Variants in SYNE1 observed in about 807,000 individuals in gnomAD.
The protein encoded by SYNE1 is nesprin-1.
A neutral mutation model predicts 1,111.0 loss-of-function variants in SYNE1; 616 were observed. That is an observed-to-expected ratio of 0.55 (90% CI 0.52 to 0.59). SYNE1 has a LOEUF of 0.59. Among genes scored for constraint, SYNE1 ranks in the 20% least tolerant of loss-of-function variants. The pLI, the probability that SYNE1 is intolerant of heterozygous loss-of-function variation, is 0.00. For synonymous variants in SYNE1, 3,855 were observed against 3,825.8 expected (o/e 1.01, Z -0.28); for missense variants, 10,006 against 10,417.0 (o/e 0.96, Z 1.72).
At chr6:152,472,659 G>A in intron 14 of SYNE1, 1 of 701,960 alleles carries the variant, frequency 1.4e-6, no homozygotes, top group Non-Finnish European at 2.6e-6. Flanking sequence ...CATGACACTT[G>A]CACAGCAATG....
At chr6:152,420,894 A>G (rs2098248437) in intron 39 of SYNE1, among the ~76,000 whole-genome samples, 1 of 151,972 alleles carries the variant, frequency 6.6e-6, no homozygotes, top group Non-Finnish European at 1.5e-5. Context: ...TTTTCTCTCT[A>G]CTTGATTTTT....
At position 152,573,450 on chromosome 6, in the gene SYNE1, C is replaced by A. The variant is rs150504881; in HGVS notation, c.68-33429G>T. Among the ~76,000 whole-genome samples the A allele has an allele frequency of 4.3e-3, 645 of 149,350 alleles. 5 individuals carry two copies. The highest frequency in any genetic ancestry group is 0.015 in the African/African-American group (603 of 39,874). On this transcript the variant is annotated intron_variant, in intron 3 of 145. Transcript: ENST00000367255. Reference sequence around the variant, plus strand: ...TGCGGTGTTTGGTTTTTTGTCCTTGCGGTAGTTTGCTGAGAATGATGGTTT... The same window carrying A: ...TGCGGTGTTTGGTTTTTTGTCCTTGAGGTAGTTTGCTGAGAATGATGGTTT...
intron 56 of SYNE1, among the ~76,000 whole-genome samples, chr6:152,379,143 A>G (rs1431659202): frequency 6.6e-6 from 1 of 152,208 alleles, no homozygotes; most frequent in Non-Finnish European, 1.5e-5. Flanking sequence ...GATGACATTA[A>G]AAGTGAAAAG....
intron 76 of SYNE1, chr6:152,335,584 A>C (rs2096368630): frequency 6.6e-6 from 1 of 152,220 alleles, no homozygotes; most frequent in Non-Finnish European, 1.5e-5. Context: ...ACAGCACTCC[A>C]GTAGACAATA....
intron 3 of SYNE1, among the ~76,000 whole-genome samples, chr6:152,561,216 T>C (rs748109735): frequency 1.3e-5 from 2 of 152,170 alleles, no homozygotes; most frequent in Non-Finnish European, 2.9e-5. Context: ...TTTAGTTAAG[T>C]TATAAGGTAC....
intron 130 of SYNE1, among the ~76,000 whole-genome samples, chr6:152,166,908 T>G (rs972274074): frequency 3.3e-5 from 5 of 152,214 alleles, no homozygotes; most frequent in African/African-American, 1.2e-4. Flanking sequence ...ATCATTCTTT[T>G]TTTTAGGAGA....
At chr6:152,574,846 A>T (rs1383498121) in intron 3 of SYNE1, among the ~76,000 whole-genome samples, 3 of 152,170 alleles carry the variant, frequency 2.0e-5, no homozygotes, top group Non-Finnish European at 4.4e-5. Flanking sequence ...CTTATAGAGC[A>T]GGACTCTTGA....
chr6:152,296,095 C>T lies in SYNE1; in HGVS notation c.17683-1968G>A, dbSNP rs144979238. Among the ~76,000 whole-genome samples the T allele has an allele frequency of 4.3e-3, 659 of 152,324 alleles. 4 individuals carry two copies. Among genetic ancestry groups the T allele is most frequent in the African/African-American group, 0.015 (629 of 41,564 alleles). ...CTCACCCTCGATCCACTTCTAAATT[C>T]CAGTTTGGACTTTGATCCTGATGAC... is the stretch of plus-strand genomic sequence containing the variant. On this transcript the variant is annotated intron_variant, in intron 93 of 145. Transcript: ENST00000367255.
At chr6:152,211,098 A>C (rs944836300) in intron 124 of SYNE1, among the ~76,000 whole-genome samples, 4 of 152,162 alleles carry the variant, frequency 2.6e-5, no homozygotes, top group Admixed American at 2.6e-4. Flanking sequence ...TAAGTAAGAG[A>C]GATGGGCTAG....
rs150265181 is a variant in SYNE1 at position 152,352,514 on chromosome 6, T to A, written c.11254-161A>T. 4.5e-3 allele frequency among the ~76,000 whole-genome samples: 683 copies of A among 152,134 alleles called. 3 individuals are homozygous for A. Among genetic ancestry groups the A allele is most frequent in the African/African-American group, 0.016 (661 of 41,518 alleles). On this transcript the variant is annotated intron_variant, in intron 69 of 145. Coordinates refer to ENST00000367255, the MANE Select transcript of SYNE1 (RefSeq NM_182961.4). ...GCCTCCTGGGTTCCAGCGATTCTCC[T>A]GCCTCAGCCTCCAAAGTAGCTGGGA...
intron 46 of SYNE1, among the ~76,000 whole-genome samples, chr6:152,401,804 G>A (rs913801923): frequency 3.9e-5 from 6 of 152,072 alleles, no homozygotes; most frequent in Non-Finnish European, 8.8e-5. Flanking sequence ...TATTGAGTGG[G>A]GCTAGTTATT....
rs117107242 is a variant in SYNE1 at position 152,600,140 on chromosome 6, A to G, written c.67+28125T>C. Among the ~76,000 whole-genome samples, 113 of 152,332 alleles carry G rather than the reference A, an allele frequency of 7.4e-4. No individual in the cohort carries two copies. The East Asian group carries it at 0.015, about 20-fold the overall frequency. On this transcript the variant is annotated intron_variant, in intron 3 of 145. Transcript: ENST00000367255. ...CAAGCCCTATGACTTCACATATAGT[A>G]TGTAACAAAGGCGAACAGTTTAACA... is the stretch of plus-strand genomic sequence containing the variant.
chr6:152,316,707 C>A (rs989849268), intron 87 of SYNE1, 142 bp downstream of exon 87: 1 of 857,476 alleles, frequency 1.2e-6, no homozygotes, highest in Non-Finnish European at 1.8e-6. Context: ...AACTACTGAA[C>A]AACTTAGGGG....
At chr6:152,438,017 AAAG>A (rs991044903) in intron 32 of SYNE1, among the ~76,000 whole-genome samples, 19 of 152,226 alleles carry the variant, frequency 1.2e-4, no homozygotes, top group African/African-American at 3.6e-4. Context: ...CTGTCTCAAA[AAAG>A]AAGAAGAAAA....
intron 63 of SYNE1, 81 bp from the exon 64 acceptor site, chr6:152,362,404 C>T: frequency 1.3e-6 from 2 of 1,583,424 alleles, no homozygotes; most frequent in East Asian, 2.2e-5. Context: ...GCTCCATCCA[C>T]TCCAGTAAGC....
chr6:152,236,085 T>C lies in SYNE1; in HGVS notation c.20396+22A>G, dbSNP rs36215567. 7.8e-3 allele frequency: 12,594 copies of C among 1,611,084 alleles called. 61 individuals carry two copies. The highest frequency in any genetic ancestry group is 8.9e-3 in the Non-Finnish European group (10,502 of 1,177,262). ...ACAATGCAGCACTTATCTAAAAATA[T>C]ACAAAACAGTCATTGTATTACCTGG... On this transcript the variant is annotated intron_variant, in intron 110 of 145. Transcript: ENST00000367255.
chr6:152,409,345 A>G (rs2097968509), intron 43 of SYNE1, 119 bp from the exon 44 acceptor site: 1 of 1,099,520 alleles, frequency 9.1e-7, no homozygotes, highest in East Asian at 2.5e-5. Flanking sequence ...AGTGATAGTG[A>G]GATTAATTAA....
chr6:152,518,199 G>C (rs1438047943), intron 6 of SYNE1, among the ~76,000 whole-genome samples: 1 of 149,974 alleles, frequency 6.7e-6, no homozygotes, highest in African/African-American at 2.5e-5. Flanking sequence ...TCTCACAGGG[G>C]CATGGGTTAG....
chr6:152,455,323 C>T, intron 24 of SYNE1, 103 bp downstream of exon 24: 1 of 1,306,836 alleles, frequency 7.7e-7, no homozygotes, highest in South Asian at 1.5e-5. Context: ...GACTCATCTG[C>T]CCGCTCTCCT....
Sources: gnomAD v4.1 joint callset for allele counts (sites outside exome capture counted in the v4.1 genomes callset) on GRCh38, gnomAD v4.1.1 for gene constraint, MANE v1.5 for transcripts, NCBI Gene and HGNC (gene_info 2026-07-23, HGNC 2026-07-21) for gene names.